Variants in PCCA observed in about 807,000 individuals in gnomAD.
PCCA encodes propionyl-CoA carboxylase subunit alpha.
Under a neutral mutation model 101.3 loss-of-function variants are expected in PCCA, and 74 were observed. The ratio of observed to expected loss-of-function variants is 0.73; its 90% CI spans 0.61 to 0.89. PCCA has a LOEUF of 0.89. Ranked by LOEUF, PCCA falls within the 40% of genes least tolerant of loss-of-function variation. The pLI is 0.00. For synonymous variants in PCCA, 294 were observed against 313.6 expected, an observed-to-expected ratio of 0.94 and a Z score of 0.66; for missense variants, 891 against 907.0, an observed-to-expected ratio of 0.98 and a Z score of 0.23.
intron 18 of PCCA, among the ~76,000 whole-genome samples, chr13:100,365,661 A>G (rs1441908737): frequency 6.6e-6 from 1 of 152,230 alleles, no homozygotes; most frequent in African/African-American, 2.4e-5. Context: ...AAGCAGAGAG[A>G]TGAGATGAGA....
chr13:100,369,930 G>A (rs1227222740), intron 19 of PCCA, among the ~76,000 whole-genome samples: 1 of 152,004 alleles, frequency 6.6e-6, no homozygotes, highest in African/African-American at 2.4e-5. Flanking sequence ...TTACAAAAAT[G>A]TAGAGTTTAG....
At chr13:100,340,715 C>T (rs752600194) in intron 18 of PCCA, among the ~76,000 whole-genome samples, 7 of 152,204 alleles carry the variant, frequency 4.6e-5, no homozygotes, top group Non-Finnish European at 1.0e-4. Context: ...TGCCTTTTAG[C>T]TTCCTAGTGA....
chr13:100,276,255 T>C (rs2063657618), intron 12 of PCCA, among the ~76,000 whole-genome samples: 1 of 148,588 alleles, frequency 6.7e-6, no homozygotes, highest in Non-Finnish European at 1.5e-5. Flanking sequence ...TTAGAAATCT[T>C]AGTTTGGCCA....
intron 18 of PCCA, among the ~76,000 whole-genome samples, chr13:100,351,647 A>C (rs1336719379): frequency 6.6e-6 from 1 of 152,172 alleles, no homozygotes; most frequent in Non-Finnish European, 1.5e-5. Flanking sequence ...TTTCTAGGAG[A>C]CCAGTGTGGG....
intron 18 of PCCA, among the ~76,000 whole-genome samples, chr13:100,351,177 A>C (rs1483355355): frequency 6.6e-6 from 1 of 152,228 alleles, no homozygotes; most frequent in Non-Finnish European, 1.5e-5. Context: ...TAAAATGTCA[A>C]AAGATTAATT....
chr13:100,277,858 A>T (rs891506654), intron 12 of PCCA, among the ~76,000 whole-genome samples: 3 of 152,218 alleles, frequency 2.0e-5, no homozygotes, highest in African/African-American at 7.2e-5. Context: ...TCTGTAAGTT[A>T]TATGTAAAAA....
rs185805985 is a variant in PCCA at position 100,194,367 on chromosome 13, G to A, written c.469-14965G>A. ...AATATTTTCAAAGAAAATAGAAAAA[G>A]CACACAATTCAGAGAATATACAAAG... On this transcript the variant is annotated intron_variant, in intron 6 of 23. Coordinates refer to ENST00000376285, the MANE Select transcript of PCCA (RefSeq NM_000282.4). 3.1e-3 allele frequency among the ~76,000 whole-genome samples: 468 copies of A among 152,216 alleles called. 4 individuals carry two copies. Among genetic ancestry groups the A allele is most frequent in the African/African-American group, 0.011 (446 of 41,542 alleles).
intron 19 of PCCA, among the ~76,000 whole-genome samples, chr13:100,388,327 G>A (rs2076624250): frequency 6.6e-6 from 1 of 151,928 alleles, no homozygotes; most frequent in African/African-American, 2.4e-5. Context: ...AGCCAGGCAT[G>A]GTGGCACATG....
intron 18 of PCCA, among the ~76,000 whole-genome samples, chr13:100,363,850 T>C (rs2074896081): frequency 6.6e-6 from 1 of 152,204 alleles, no homozygotes; most frequent in Non-Finnish European, 1.5e-5. Flanking sequence ...TGACTTGTAA[T>C]AGCAAAGTAT....
intron 6 of PCCA, among the ~76,000 whole-genome samples, chr13:100,167,699 A>G (rs753172263): frequency 1.2e-4 from 18 of 152,144 alleles, no homozygotes; most frequent in Non-Finnish European, 1.2e-4. Flanking sequence ...ATGTGGTGTG[A>G]AGTAGGGTCT....
intron 16 of PCCA, among the ~76,000 whole-genome samples, chr13:100,310,205 C>T (rs1245120290): frequency 6.6e-6 from 1 of 152,048 alleles, no homozygotes; most frequent in East Asian, 1.9e-4. Flanking sequence ...AGTAATATTG[C>T]TGTGGAGAGG....
intron 19 of PCCA, among the ~76,000 whole-genome samples, chr13:100,378,396 TATCATGGAAGAG>T (rs2076046493): frequency 6.6e-6 from 1 of 152,240 alleles, no homozygotes; most frequent in South Asian, 2.1e-4. Flanking sequence ...GACTATAATG[TATCATGGAAGAG>T]ATACTGTTTT....
At chr13:100,201,871 A>AC (rs1274612708) in intron 6 of PCCA, among the ~76,000 whole-genome samples, 9 of 150,460 alleles carry the variant, frequency 6.0e-5, no homozygotes, top group Non-Finnish European at 1.2e-4. Flanking sequence ...AAAAAAAAAA[A>AC]AAAAAAAAAA....
intron 6 of PCCA, among the ~76,000 whole-genome samples, chr13:100,198,797 T>C (rs1436671552): frequency 3.3e-5 from 5 of 152,062 alleles, no homozygotes; most frequent in African/African-American, 1.2e-4. Context: ...CCACACCCGG[T>C]CTGCAGTTGC....
At chr13:100,179,797 A>G (rs2056624906) in intron 6 of PCCA, among the ~76,000 whole-genome samples, 1 of 151,944 alleles carries the variant, frequency 6.6e-6, no homozygotes. Context: ...GGTGGTGCCA[A>G]GAAGGTTGTG....
intron 6 of PCCA, among the ~76,000 whole-genome samples, chr13:100,196,989 A>T (rs1041498311): frequency 2.0e-5 from 3 of 152,130 alleles, no homozygotes; most frequent in African/African-American, 4.8e-5. Flanking sequence ...ACCTTTGTTG[A>T]TGCCCCACAG....
At chr13:100,248,457 A>G (rs1239606829) in intron 8 of PCCA, among the ~76,000 whole-genome samples, 1 of 152,184 alleles carries the variant, frequency 6.6e-6, no homozygotes, top group East Asian at 1.9e-4. Context: ...CTTTGGCAAC[A>G]TTTAGTGTTG....
At chr13:100,163,717 A>T (rs1308412320) in intron 6 of PCCA, among the ~76,000 whole-genome samples, 2 of 152,200 alleles carry the variant, frequency 1.3e-5, no homozygotes, top group Non-Finnish European at 2.9e-5. Context: ...AATGTCAGTA[A>T]AATCCATTAA....
At chr13:100,395,564 A>G (rs976417322) in intron 19 of PCCA, among the ~76,000 whole-genome samples, 12 of 152,350 alleles carry the variant, frequency 7.9e-5, no homozygotes, top group African/African-American at 2.6e-4. Context: ...TCTTGTGACT[A>G]TCTTGTGGAG....
Sources: gnomAD v4.1 joint callset for allele counts (sites outside exome capture counted in the v4.1 genomes callset) on GRCh38, gnomAD v4.1.1 for gene constraint, MANE v1.5 for transcripts, NCBI Gene and HGNC (gene_info 2026-07-23, HGNC 2026-07-21) for gene names.